PLEC: variants seen among roughly 807,000 people sequenced by gnomAD.
PLEC encodes hemidesmosomal protein 1.
PLEC carries 216 observed loss-of-function variants against 392.8 expected under a neutral mutation model. The observed-to-expected ratio is 0.55, with a 90% CI of 0.49 to 0.62. The LOEUF is 0.62. Among genes scored for constraint, PLEC ranks in the 20% least tolerant of loss-of-function variants. The probability of loss-of-function intolerance (pLI) is 0.00; values close to 1 mark genes in which losing one functional copy is unlikely to be tolerated. For synonymous variants in PLEC, 3,621 were observed against 2,980.6 expected, an observed-to-expected ratio of 1.21 and a Z score of -7.00; for missense variants, 6,863 against 6,563.4, an observed-to-expected ratio of 1.05 and a Z score of -1.58.
upstream of PLEC, among the ~76,000 whole-genome samples, chr8:143,975,657 A>G (rs1194605173): frequency 3.4e-5 from 5 of 146,636 alleles, 1 homozygote; most frequent in Admixed American, 3.4e-4. The surrounding 1 kb of genome is among the most constrained non-coding windows in gnomAD (Gnocchi z 9.9). Context: ...CACTGGCCTT[A>G]CCCTCCAGTC....
In PLEC at chr8:143,919,256, G is replaced by C. The variant is rs375095764; in HGVS notation, c.10565C>G (p.Thr3522Arg). ...GCACCGCTCCAGCAGCTGCCTGTAC[G>C]TGAGGTTCTCATGCGTGTTGGGGTC... ...FFDPNTHENLTYRQLLERCVE... is the reference protein window; with the variant it reads ...FFDPNTHENLRYRQLLERCVE... The change falls in exon 32 of 32, where the codon ACG becomes AGG. Residue 3522 changes from threonine to arginine, a missense_variant. Coordinates refer to ENST00000345136, the MANE Select transcript of PLEC (RefSeq NM_201384.3). The C allele has an allele frequency of 1.2e-6, 2 of 1,613,902 alleles. No individual in the cohort carries two copies. Among genetic ancestry groups the C allele is most frequent in the South Asian group, 2.2e-5 (2 of 91,094 alleles).
At chr8:143,962,758 T>C (rs1255233851) in intron 1 of PLEC, among the ~76,000 whole-genome samples, 3 of 152,206 alleles carry the variant, frequency 2.0e-5, no homozygotes, top group African/African-American at 7.2e-5. Flanking sequence ...AGCAATGAAC[T>C]TGGATATTTA....
In PLEC at chr8:143,921,026, T is replaced by C. The variant is rs1554683793; in HGVS notation, c.8795A>G (p.Tyr2932Cys). The change falls in exon 32 of 32, where the codon TAC becomes TGC. Residue 2932 changes from tyrosine to cysteine, a missense_variant. Coordinates refer to ENST00000345136, the MANE Select transcript of PLEC (RefSeq NM_201384.3). ...VTIWEIINSE[Y>C]FTAEQRRDLL... ...GTCCCGCCGCTGCTCTGCCGTGAAG[T>C]ATTCCGAGTTGATGATCTCCCAAAT... 2 of 1,612,890 alleles carry C rather than the reference T, an allele frequency of 1.2e-6. No homozygotes were observed. The highest frequency in any genetic ancestry group is 1.7e-6 in the Non-Finnish European group (2 of 1,180,028).
intron 1 of PLEC, among the ~76,000 whole-genome samples, chr8:143,972,590 C>G (rs1833485828): frequency 6.6e-6 from 1 of 152,230 alleles, no homozygotes; most frequent in Non-Finnish European, 1.5e-5. Flanking sequence ...CTGCTCTGAT[C>G]GGCTCTGCCT....
Position 143,919,580 on chromosome 8 carries a change from T to C in PLEC, c.10241A>G (p.Lys3414Arg). ...NQRLYVHEAV[K>R]AGVVGPELHE... is the part of the protein sequence containing the mutation. ...AAGCTCGGGGCCCACCACGCCCGCCTTCACGGCCTCGTGGACATACAGGCG... is the reference window on the plus strand; with the variant it reads ...AAGCTCGGGGCCCACCACGCCCGCCCTCACGGCCTCGTGGACATACAGGCG... The change falls in exon 32 of 32, where the codon AAG (lysine) becomes AGG (arginine). Residue 3414 changes from lysine (K) to arginine (R), a missense_variant. By Grantham distance (26) the Lys-to-Arg change is conservative (BLOSUM62 2). Coordinates refer to ENST00000345136, the MANE Select transcript of PLEC (RefSeq NM_201384.3). 1.2e-6 allele frequency: 2 copies of C among 1,602,364 alleles called. No individual in the cohort carries two copies. Among genetic ancestry groups the C allele is most frequent in the Non-Finnish European group, 1.7e-6 (2 of 1,175,956 alleles).
upstream of PLEC, among the ~76,000 whole-genome samples, chr8:143,974,539 G>C (rs1048511685): frequency 5.9e-5 from 9 of 152,186 alleles, no homozygotes; most frequent in Admixed American, 1.3e-4. This position sits in a 1 kb window ranked among gnomAD's most constrained non-coding sequence, Gnocchi z 5.9. Flanking sequence ...CATCCCCCCA[G>C]GGCTCAGCAC....
At chr8:143,943,959 C>T (rs1458036497), upstream of PLEC, 3 of 1,565,408 alleles carry the variant, frequency 1.9e-6, no homozygotes, top group South Asian at 1.1e-5. Context: ...GCTAGACAGC[C>T]CCCTCCCTGC....
rs1175674853 is a variant in PLEC, at chr8:143,961,664, T to C, written c.70+11739A>G. On this transcript the variant is annotated intron_variant, in intron 1 of 31. Transcript: ENST00000356346. ...AAGGATTGATTGGTTAAATATGATA[T>C]GGTTTCCATACAGGGGAATGCTGTA... 7.9e-5 allele frequency among the ~76,000 whole-genome samples: 12 copies of C among 152,316 alleles called. No homozygotes were observed. In the East Asian group the frequency reaches 2.3e-3, roughly 29 times the overall value.
chr8:143,942,624 C>A, upstream of PLEC: 1 of 1,259,664 alleles, frequency 7.9e-7, no homozygotes, highest in Non-Finnish European at 1.1e-6. Context: ...CTTCGCTCTC[C>A]ACCTCTTCCA....
rs782055524 is a variant in PLEC at position 143,918,568 on chromosome 8, G to T, written c.11253C>A (p.Gly3751=). The T allele has an allele frequency of 6.2e-7, 1 of 1,611,542 alleles. No individual in the cohort carries two copies. Among genetic ancestry groups the T allele is most frequent in the Non-Finnish European group, 8.5e-7 (1 of 1,179,704 alleles). Residue 3751 remains glycine (G), a synonymous_variant, in exon 32 of 32, where the codon GGC becomes GGA. Coordinates refer to ENST00000345136, the MANE Select transcript of PLEC (RefSeq NM_201384.3). ...GGTCGTGCAGCTCGGGCCCCACGAG[G>T]CCCTTCCGCACAGCCTCATCCACAG... ...RLTVDEAVRK[G]LVGPELHDRL... is the part of the protein sequence containing the mutation.
At chr8:143,937,359 C>A (rs1829333437) in intron 3 of PLEC, 117 bp from the exon 4 acceptor site, 1 of 765,838 alleles carries the variant, frequency 1.3e-6, no homozygotes, top group Admixed American at 2.0e-5. Flanking sequence ...GGGCAGCAGC[C>A]CCTCATCCCA....
Position 143,934,869 on chromosome 8 carries a change from G to A in PLEC, c.886C>T (p.Arg296Ter), listed in dbSNP as rs782002558. The change falls in exon 9 of 32, where the codon CGA (arginine) becomes TGA (stop). Residue 296 changes from arginine (R) to a stop codon, truncating the protein, a stop_gained. Transcript: ENST00000345136. LOFTEE classifies it high-confidence loss of function. ...TCCTCAAAGGCGGCCGTGTGGTGTC[G>A]CATCCACTGAAGCAGCAGCAGCACC... ...ELVLLLLQWM[R>*]HHTAAFEERR... 2 of 1,611,114 alleles carry A rather than the reference G, an allele frequency of 1.2e-6. No individual in the cohort carries two copies. Among genetic ancestry groups the A allele is most frequent in the Non-Finnish European group, 1.7e-6 (2 of 1,179,728 alleles).
Position 143,924,316 on chromosome 8 carries a change from C to T in PLEC, c.5613G>A (p.Glu1871=), listed in dbSNP as rs782426081. 1.8e-5 allele frequency: 29 copies of T among 1,594,706 alleles called. No individual in the cohort carries two copies. In the Admixed American group the frequency reaches 2.3e-4, roughly 13 times the overall value. Residue 1871 remains glutamate (E), a synonymous_variant, in exon 31 of 32, where the codon GAG becomes GAA. Transcript: ENST00000345136. ...GCCGCCGCCGCTGGAAGGCCTCGTC[C>T]TCCGCCAGCCGCCGCAGGCGCTCGT... ...AENERLRRLA[E]DEAFQRRRLE...
intron 1 of PLEC, chr8:143,946,600 G>C (rs1224098042): frequency 2.4e-5 from 8 of 334,630 alleles, no homozygotes; most frequent in Non-Finnish European, 4.2e-5. Flanking sequence ...TGGGGGTGCA[G>C]GGGACTGGCC....
chr8:143,933,152 G>A (rs782465783), intron 13 of PLEC, 41 bp from the exon 14 acceptor site: 45 of 1,607,790 alleles, frequency 2.8e-5, no homozygotes, highest in Non-Finnish European at 3.6e-5. Flanking sequence ...GGCGGGCCTG[G>A]GGCCGTGTGT....
Position 143,921,505 on chromosome 8 carries a change from G to A in PLEC, c.8316C>T (p.Arg2772=), listed in dbSNP as rs782420340. The change falls in exon 32 of 32, where the codon CGC becomes CGT. Residue 2772 remains arginine, a synonymous_variant. Transcript: ENST00000345136. ...ELHHKLLSAE[R]AVTGYKDPYT... ...AGGGGTCCTTGTAGCCAGTGACGGC[G>A]CGCTCGGCCGACAGCAGCTTGTGGT... The A allele has an allele frequency of 8.2e-5, 132 of 1,612,888 alleles. No individual in the cohort carries two copies. Among genetic ancestry groups the A allele is most frequent in the Admixed American group, 3.5e-4 (21 of 59,996 alleles).
rs1554678327 is a variant in PLEC, at chr8:143,919,456, C to G, written c.10365G>C (p.Leu3455=). 1.2e-6 allele frequency: 2 copies of G among 1,613,216 alleles called. No individual in the cohort carries two copies. Among genetic ancestry groups the G allele is most frequent in the African/African-American group, 1.3e-5 (1 of 74,940 alleles). ...GGCGGATGCCGTGCTGCCGGAGAACCAGGCCCTTCTGCATGGCCTGGAAGA... is the reference window on the plus strand; with the variant it reads ...GGCGGATGCCGTGCTGCCGGAGAACGAGGCCCTTCTGCATGGCCTGGAAGA... The part of the protein sequence containing the change: ...ISLFQAMQKG[L]VLRQHGIRLL... Residue 3455 remains leucine (L), a synonymous_variant, in exon 32 of 32, where the codon CTG becomes CTC. Coordinates refer to ENST00000345136, the MANE Select transcript of PLEC (RefSeq NM_201384.3).
chr8:143,923,067 G>A lies in PLEC; in HGVS notation c.6862C>T (p.Gln2288Ter), dbSNP rs782260151. The A allele has an allele frequency of 1.9e-6, 3 of 1,609,780 alleles. No homozygotes were observed. Among genetic ancestry groups the A allele is most frequent in the South Asian group, 2.2e-5 (2 of 91,016 alleles). ...EEAARLSVAA[Q>*]EAARLRQLAE... The stretch of plus-strand genomic sequence containing the variant: ...AGCTGCCGCAGTCGCGCAGCCTCTT[G>A]GGCCGCCACACTCAGCCGCGCGGCC... Residue 2288 changes from glutamine (Q) to a stop codon, truncating the protein, a stop_gained, in exon 31 of 32, where the codon CAA (glutamine) becomes TAA (stop). Transcript: ENST00000345136. LOFTEE classifies it high-confidence loss of function.
At position 143,934,967 on chromosome 8, in the gene PLEC, G is replaced by A. The variant is rs1479191083; in HGVS notation, c.826-38C>T. On this transcript the variant is annotated intron_variant, in intron 8 of 31. Coordinates refer to ENST00000345136, the MANE Select transcript of PLEC (RefSeq NM_201384.3). ...ACGGGCGGCTGTCAGGGGTCGTCGG[G>A]GCGTCCAGGCCCAAGCCCCCTGCCC... 8 of 1,610,510 alleles carry A rather than the reference G, an allele frequency of 5.0e-6. No individual in the cohort carries two copies. The African/African-American group carries it at 9.3e-5, about 19-fold the overall frequency.
Sources: allele counts gnomAD v4.1 joint callset (sites outside exome capture counted in the v4.1 genomes callset), GRCh38; gene constraint gnomAD v4.1.1; non-coding constraint Gnocchi (gnomAD v3.1); transcripts MANE v1.5; gene names NCBI Gene and HGNC (gene_info 2026-07-23, HGNC 2026-07-21).